Variants in EGLN1 observed in about 807,000 individuals in gnomAD.
EGLN1 encodes egl nine homolog 1.
EGLN1 carries 17 observed loss-of-function variants against 38.3 expected under a neutral mutation model. The ratio of observed to expected loss-of-function variants is 0.44; its 90% CI spans 0.30 to 0.67. The LOEUF (loss-of-function observed/expected upper bound fraction) is 0.67, where lower values mean the gene tolerates loss of function less well. EGLN1 is among the 30% of genes least tolerant of loss of function. The pLI is 0.08. For missense variants in EGLN1, 477 were observed against 603.3 expected (o/e 0.79, Z 2.19); for synonymous variants, 283 against 257.5 (o/e 1.10, Z -0.95).
At position 231,385,733 on chromosome 1, in the gene EGLN1, T is replaced by C. The variant is rs1488171178; in HGVS notation, c.892-11634A>G. 2.6e-5 allele frequency among the ~76,000 whole-genome samples: 4 copies of C among 152,348 alleles called. No homozygotes were observed. In the East Asian group the frequency reaches 7.7e-4, roughly 29 times the overall value. On this transcript the variant is annotated intron_variant, in intron 1 of 4. Transcript: ENST00000366641. ...GTTTTCATTCACTTCGGTAGGTGAC[T>C]GAGTGGCACCATTTTTGTAGTACAG...
At chr1:231,413,831 T>C (rs933216162) in intron 1 of EGLN1, among the ~76,000 whole-genome samples, 3 of 152,046 alleles carry the variant, frequency 2.0e-5, no homozygotes, top group African/African-American at 4.8e-5. Flanking sequence ...GGTAAAGAAA[T>C]GGGACCTGGA....
At chr1:231,410,454 C>T (rs914506868) in intron 1 of EGLN1, among the ~76,000 whole-genome samples, 5 of 152,170 alleles carry the variant, frequency 3.3e-5, no homozygotes, top group Non-Finnish European at 7.3e-5. Flanking sequence ...CTGACTGCAG[C>T]CTGTGAGAAA....
At chr1:231,373,837 C>A in intron 2 of EGLN1, 143 bp downstream of exon 2, 2 of 855,732 alleles carry the variant, frequency 2.3e-6, no homozygotes, top group Non-Finnish European at 1.8e-6. Flanking sequence ...CAAAAATCCA[C>A]TCCTAATACC....
chr1:231,414,952 G>A (rs1689038872), intron 1 of EGLN1, among the ~76,000 whole-genome samples: 1 of 151,940 alleles, frequency 6.6e-6, no homozygotes, highest in Admixed American at 6.6e-5. Context: ...CCCCTGGTCT[G>A]GAACTCCTGG....
intron 1 of EGLN1, among the ~76,000 whole-genome samples, chr1:231,404,622 A>ATTT (rs1021433329): frequency 6.6e-6 from 1 of 151,614 alleles, no homozygotes; most frequent in South Asian, 2.1e-4. Context: ...TAAAAAAAAA[A>ATTT]TTTTTTTTTA....
chr1:231,408,333 AGTCT>A (rs1688845997), intron 1 of EGLN1, among the ~76,000 whole-genome samples: 1 of 152,160 alleles, frequency 6.6e-6, no homozygotes, highest in Admixed American at 6.5e-5. Flanking sequence ...GCAGGAAAAC[AGTCT>A]GGCTGAAACA....
chr1:231,366,313 G>A lies in EGLN1; in HGVS notation c.*98C>T, dbSNP rs1399451857. The stretch of plus-strand genomic sequence containing the variant: ...CTGTTTCCTTATTAAAATGCGAACT[G>A]GTTGTCTATTTTTCTTTATCCCATT... On this transcript the variant is annotated 3_prime_UTR_variant, in exon 5 of 5. Coordinates refer to ENST00000366641, the MANE Select transcript of EGLN1 (RefSeq NM_022051.3). 3.0e-6 allele frequency: 4 copies of A among 1,349,120 alleles called. No individual in the cohort carries two copies. The highest frequency in any genetic ancestry group is 3.2e-6 in the Non-Finnish European group (3 of 949,000). The allele number at this position is 1,349,120 out of a possible 1,614,324, so 83.6% of individuals were successfully genotyped here. A position where few individuals can be genotyped will look rare whatever the true frequency, so the allele number is the denominator to read the frequency against.
At chr1:231,411,072 A>T (rs1196478757) in intron 1 of EGLN1, among the ~76,000 whole-genome samples, 1 of 152,150 alleles carries the variant, frequency 6.6e-6, no homozygotes, top group Non-Finnish European at 1.5e-5. Flanking sequence ...ATAAGAAAAA[A>T]TTCAGAGAGA....
At chr1:231,410,561 G>T (rs960247191) in intron 1 of EGLN1, among the ~76,000 whole-genome samples, 1 of 152,096 alleles carries the variant, frequency 6.6e-6, no homozygotes, top group Non-Finnish European at 1.5e-5. Context: ...CTAAACTTTG[G>T]AGTAATCTGT....
Position 231,421,575 on chromosome 1 carries a change from C to G in EGLN1, c.314G>C (p.Gly105Ala), listed in dbSNP as rs1316011395. The G allele has an allele frequency of 7.6e-7, 1 of 1,312,766 alleles. No individual in the cohort carries two copies. The highest frequency in any genetic ancestry group is 9.6e-7 in the Non-Finnish European group (1 of 1,038,814). 81.3% of individuals were successfully genotyped at this position (1,312,766 alleles called of 1,614,324 possible). A position where few individuals can be genotyped will look rare whatever the true frequency, so the allele number is the denominator to read the frequency against. The change falls in exon 1 of 5, where the codon GGG becomes GCG. Residue 105 changes from glycine to alanine, a missense_variant. Transcript: ENST00000366641. The surrounding 1 kb of genome is among the most constrained non-coding windows in gnomAD (Gnocchi z 5.5). ...CTTTACTTTTCCCTTGGCCGCGTCCCCGGAGGCGTTGTCCCGGCGCGCCGC... is the reference window on the plus strand; with the variant it reads ...CTTTACTTTTCCCTTGGCCGCGTCCGCGGAGGCGTTGTCCCGGCGCGCCGC... ...KAAARRDNAS[G>A]DAAKGKVKAK...
Position 231,366,248 on chromosome 1 carries a change from A to C in EGLN1, c.*163T>G. 1.4e-6 allele frequency: 1 copy of C among 706,088 alleles called. No homozygotes were observed. The highest frequency in any genetic ancestry group is 2.5e-6 in the Non-Finnish European group (1 of 402,868). 43.7% of individuals were successfully genotyped at this position (706,088 alleles called of 1,614,324 possible). The stretch of plus-strand genomic sequence containing the variant: ...TGATCATGCAGTACAAAGTCACAGC[A>C]GTCAAAATCTTCTGTTTGATGCAAC... On this transcript the variant is annotated 3_prime_UTR_variant, in exon 5 of 5. Coordinates refer to ENST00000366641, the MANE Select transcript of EGLN1 (RefSeq NM_022051.3).
intron 2 of EGLN1, 136 bp from the exon 3 acceptor site, chr1:231,370,834 G>T: frequency 9.9e-7 from 1 of 1,011,140 alleles, no homozygotes; most frequent in Non-Finnish European, 1.5e-6. Flanking sequence ...ATGAAGATGA[G>T]CTGCAATTTT....
At chr1:231,375,669 T>G (rs1335252727) in intron 1 of EGLN1, among the ~76,000 whole-genome samples, 2 of 152,218 alleles carry the variant, frequency 1.3e-5, no homozygotes, top group African/African-American at 4.8e-5. Flanking sequence ...CTTTCAGCAC[T>G]GGAGGTTGGT....
intron 1 of EGLN1, among the ~76,000 whole-genome samples, chr1:231,379,961 C>T (rs1303686167): frequency 6.6e-6 from 1 of 152,172 alleles, no homozygotes; most frequent in Non-Finnish European, 1.5e-5. Context: ...CTATCACTAC[C>T]TTGGGGGTCT....
intron 1 of EGLN1, among the ~76,000 whole-genome samples, chr1:231,394,452 C>A (rs1688468731): frequency 6.6e-6 from 1 of 150,926 alleles, no homozygotes; most frequent in South Asian, 2.1e-4. Context: ...AATCTCGGCT[C>A]ACTGCAAGCT....
chr1:231,379,633 C>T (rs761966451), intron 1 of EGLN1, among the ~76,000 whole-genome samples: 1 of 152,182 alleles, frequency 6.6e-6, no homozygotes, highest in Non-Finnish European at 1.5e-5. Context: ...GGTGCACTCA[C>T]ACACACCCAT....
Position 231,421,929 on chromosome 1 carries a change from C to A in EGLN1, c.-41G>T. The A allele has an allele frequency of 7.3e-7, 1 of 1,363,844 alleles. No homozygotes were observed. Among genetic ancestry groups the A allele is most frequent in the Non-Finnish European group, 9.3e-7 (1 of 1,069,626 alleles). The allele number at this position is 1,363,844 out of a possible 1,614,324, so 84.5% of individuals were successfully genotyped here. ...GGCGACGGCGACTGCGGCGGCCGAG[C>A]AGGAGGGGTAGCGGCCGGACGGCCT... On this transcript the variant is annotated 5_prime_UTR_variant, in exon 1 of 5. Transcript: ENST00000366641. The surrounding 1 kb of genome is among the most constrained non-coding windows in gnomAD (Gnocchi z 5.5).
intron 1 of EGLN1, among the ~76,000 whole-genome samples, chr1:231,397,181 GT>G (rs1242085113): frequency 3.9e-5 from 6 of 152,214 alleles, no homozygotes; most frequent in Non-Finnish European, 8.8e-5. Context: ...AGAGTTTGTA[GT>G]TACAGATCTA....
intron 1 of EGLN1, among the ~76,000 whole-genome samples, chr1:231,417,814 C>T (rs1263965564): frequency 2.6e-5 from 4 of 152,150 alleles, no homozygotes; most frequent in African/African-American, 4.8e-5. Context: ...ACAAAGCCTA[C>T]ACTGAATGGG....
Sources: allele counts gnomAD v4.1 joint callset (sites outside exome capture counted in the v4.1 genomes callset), GRCh38; gene constraint gnomAD v4.1.1; non-coding constraint Gnocchi (gnomAD v3.1); transcripts MANE v1.5; gene names NCBI Gene and HGNC (gene_info 2026-07-23, HGNC 2026-07-21).